The following TBC1D8B variants were observed in gnomAD, a reference collection of about 807,000 sequenced individuals.
TBC1D8B encodes the protein RP11-321G1.1.
In TBC1D8B, 75 loss-of-function variants were observed where a neutral mutation model predicts 82.9. That is an observed-to-expected ratio of 0.90 (90% CI 0.75 to 1.10). TBC1D8B has a LOEUF of 1.10. Ranked by LOEUF, TBC1D8B falls within the 50% of genes least tolerant of loss-of-function variation. TBC1D8B has a pLI of 0.00. For missense variants in TBC1D8B, 794 were observed against 796.9 expected (o/e 1.00, Z 0.04); for synonymous variants, 276 against 276.8 (o/e 1.00, Z 0.03).
At chrX:106,845,554 G>C (rs1278647334) in intron 10 of TBC1D8B, among the ~76,000 whole-genome samples, 1 of 105,112 alleles carries the variant, frequency 9.5e-6, no homozygotes, top group Non-Finnish European at 1.9e-5. Flanking sequence ...GCGGTGTTTG[G>C]TTTTTTGTTC....
chrX:106,813,786 C>A (rs1931449111), intron 1 of TBC1D8B: 1 of 111,010 alleles, frequency 9.0e-6, no homozygotes, highest in Non-Finnish European at 1.9e-5. Context: ...ACTCTTTTAT[C>A]CCTTTTTTTA....
chrX:106,817,442 G>A lies in TBC1D8B; in HGVS notation c.131-1221G>A, dbSNP rs1602408482. ...AAACATTGATTGCTGACATGATGCC[G>A]CAAATGGAAAATTTCCACACCTGAC... On this transcript the variant is annotated intron_variant, in intron 1 of 20. Transcript: ENST00000357242. 2.7e-5 allele frequency among the ~76,000 whole-genome samples: 3 copies of A among 111,376 alleles called. No individual in the cohort carries two copies. The Admixed American group carries it at 2.9e-4, about 11-fold the overall frequency.
rs926084573 is a variant in TBC1D8B, at chrX:106,870,134, C to T, written c.2870-582C>T. ...CAACCTCTGCCTCCTGGATTCAAGCCATTCTCCTGCCTCAGCATCCCGAGT... is the reference window on the plus strand; with the variant it reads ...CAACCTCTGCCTCCTGGATTCAAGCTATTCTCCTGCCTCAGCATCCCGAGT... On this transcript the variant is annotated intron_variant, in intron 19 of 20. Transcript: ENST00000357242. 8.1e-5 allele frequency among the ~76,000 whole-genome samples: 9 copies of T among 111,639 alleles called. 1 individual carries two copies. Among genetic ancestry groups the T allele is most frequent in the Admixed American group, 3.8e-4 (4 of 10,521 alleles).
At chrX:106,827,569 T>C in intron 7 of TBC1D8B, 1 of 327,935 alleles carries the variant, frequency 3.0e-6, no homozygotes, top group Non-Finnish European at 5.2e-6. Flanking sequence ...TAATTTGATC[T>C]TTCTTTTACT....
In TBC1D8B at chrX:106,825,197, G is replaced by A. The variant is rs781573170; in HGVS notation, c.828-833G>A. 4.5e-5 allele frequency among the ~76,000 whole-genome samples: 5 copies of A among 111,391 alleles called. No individual in the cohort carries two copies. The South Asian group carries it at 1.8e-3, about 41-fold the overall frequency. On this transcript the variant is annotated intron_variant, in intron 5 of 20. Transcript: ENST00000357242. Reference sequence around the variant, plus strand: ...AAAATTAACATGGTTGTGTTTTTCTGTTCATGTTTATCCGAAGTATTTTGA... The same window carrying A: ...AAAATTAACATGGTTGTGTTTTTCTATTCATGTTTATCCGAAGTATTTTGA...
chrX:106,839,952 A>G (rs1442723971), intron 8 of TBC1D8B, 96 bp from the exon 9 acceptor site: 13 of 905,220 alleles, frequency 1.4e-5, no homozygotes, highest in African/African-American at 4.1e-5. Context: ...CTTAATTTCT[A>G]TAGATGTTGT....
intron 1 of TBC1D8B, among the ~76,000 whole-genome samples, chrX:106,808,406 A>G (rs1363646268): frequency 8.9e-6 from 1 of 111,799 alleles, no homozygotes; most frequent in East Asian, 2.8e-4. Context: ...GGCCTGAAGA[A>G]CAAAGGGGTT....
chrX:106,856,950 T>G (rs1485755701), intron 14 of TBC1D8B, among the ~76,000 whole-genome samples: 1 of 111,478 alleles, frequency 9.0e-6, no homozygotes, highest in Non-Finnish European at 1.9e-5. Flanking sequence ...CTTTTCTAAG[T>G]GGTCGCATTA....
chrX:106,858,841 G>C (rs1254586876), intron 14 of TBC1D8B, among the ~76,000 whole-genome samples: 5 of 111,666 alleles, frequency 4.5e-5, no homozygotes, highest in African/African-American at 1.6e-4. Flanking sequence ...TATAGTTGTA[G>C]GTTTTACATT....
rs779004210 is a variant in TBC1D8B at position 106,840,924 on chromosome X, A to G, written c.1719+40A>G. Reference sequence around the variant, plus strand: ...TGAGCCCAACTGTGTGTATGTTCCAAATAAAATCACATCAAATCCAATTCC... The same window carrying G: ...TGAGCCCAACTGTGTGTATGTTCCAGATAAAATCACATCAAATCCAATTCC... On this transcript the variant is annotated intron_variant, in intron 10 of 20. Transcript: ENST00000357242. 15 of 1,118,995 alleles carry G rather than the reference A, an allele frequency of 1.3e-5. No homozygotes were observed. The East Asian group carries it at 4.5e-4, about 34-fold the overall frequency. 92.2% of individuals were successfully genotyped at this position (1,118,995 alleles called of 1,213,427 possible).
chrX:106,821,593 G>A (rs1003307411), intron 3 of TBC1D8B, among the ~76,000 whole-genome samples: 38 of 110,976 alleles, frequency 3.4e-4, no homozygotes, highest in African/African-American at 1.0e-3. Flanking sequence ...GGTTCTGGCC[G>A]CCGCTGTAGA....
chrX:106,846,360 G>A (rs1044775956), intron 10 of TBC1D8B, among the ~76,000 whole-genome samples: 6 of 105,314 alleles, frequency 5.7e-5, no homozygotes, highest in East Asian at 6.0e-4. Flanking sequence ...CACCCACCTC[G>A]GCCTCCCAAA....
chrX:106,830,098 GA>G (rs1207489342), intron 7 of TBC1D8B: 2 of 111,323 alleles, frequency 1.8e-5, no homozygotes, highest in Admixed American at 1.9e-4. Flanking sequence ...AAATTTATAA[GA>G]AAAAAACAAA....
intron 20 of TBC1D8B, among the ~76,000 whole-genome samples, chrX:106,871,944 C>A (rs1932850772): frequency 9.0e-6 from 1 of 111,298 alleles, no homozygotes; most frequent in Non-Finnish European, 1.9e-5. Context: ...TTGGGGTGCA[C>A]CACCCTCCCG....
At chrX:106,851,869 A>G (rs2147762302) in intron 12 of TBC1D8B, among the ~76,000 whole-genome samples, 1 of 111,872 alleles carries the variant, frequency 8.9e-6, no homozygotes, top group Admixed American at 9.5e-5. Context: ...GTGCCGCTAT[A>G]AACATATGTG....
At chrX:106,827,071 A>T in intron 6 of TBC1D8B, 99 bp from the exon 7 acceptor site, 1 of 1,003,628 alleles carries the variant, frequency 1.0e-6, no homozygotes, top group Admixed American at 2.9e-5. Flanking sequence ...ACTATAGACC[A>T]AAACTTTTGG....
At chrX:106,827,367 TG>T in intron 7 of TBC1D8B, 30 bp downstream of exon 7, 5 of 1,202,165 alleles carry the variant, frequency 4.2e-6, no homozygotes, top group Admixed American at 2.2e-5. Flanking sequence ...TCAAATCATT[TG>T]GAAAAAAAGG....
chrX:106,844,344 T>TAAGA (rs1226686493), intron 10 of TBC1D8B, among the ~76,000 whole-genome samples: 4 of 109,432 alleles, frequency 3.7e-5, no homozygotes, highest in Non-Finnish European at 5.7e-5. Context: ...TGTGGGTTTC[T>TAAGA]TGTAGATCAT....
intron 2 of TBC1D8B, among the ~76,000 whole-genome samples, chrX:106,819,193 G>A (rs1931630050): frequency 9.0e-6 from 1 of 110,737 alleles, no homozygotes; most frequent in Admixed American, 9.7e-5. Flanking sequence ...GGAAGTATAA[G>A]CCTGGAAAAT....
Sources: allele counts gnomAD v4.1 joint callset (sites outside exome capture counted in the v4.1 genomes callset), GRCh38; gene constraint gnomAD v4.1.1; transcripts MANE v1.5; gene names NCBI Gene and HGNC (gene_info 2026-07-23, HGNC 2026-07-21).